TENM4: variants seen among roughly 807,000 people sequenced by gnomAD.
TENM4 encodes teneurin transmembrane protein 4, also known as teneurin-4.
Under a neutral mutation model 243.3 loss-of-function variants are expected in TENM4, and 82 were observed. The observed-to-expected ratio is 0.34, with a 90% CI of 0.28 to 0.40. The LOEUF is 0.40. Ranked by LOEUF, TENM4 falls within the 10% of genes least tolerant of loss-of-function variation. The probability of loss-of-function intolerance (pLI) is 1.00; values close to 1 mark genes in which losing one functional copy is unlikely to be tolerated. For synonymous variants in TENM4, 1,412 were observed against 1,456.3 expected (o/e 0.97, Z 0.69); for missense variants, 3,138 against 3,673.3 (o/e 0.85, Z 3.77).
intron 2 of TENM4, among the ~76,000 whole-genome samples, chr11:79,257,030 G>T (rs1855712543): frequency 6.6e-6 from 1 of 152,158 alleles, no homozygotes; most frequent in South Asian, 2.1e-4. Context: ...GAGTGGGCAT[G>T]TTGTGGATAT....
chr11:79,109,438 G>T (rs577655501), intron 4 of TENM4, among the ~76,000 whole-genome samples: 55 of 152,172 alleles, frequency 3.6e-4, no homozygotes, highest in African/African-American at 1.3e-3. Context: ...CTTGTGAGGT[G>T]CCCAGGGGAC....
chr11:78,899,371 T>C (rs1345873886), intron 7 of TENM4, among the ~76,000 whole-genome samples: 2 of 151,966 alleles, frequency 1.3e-5, no homozygotes, highest in African/African-American at 4.8e-5. Flanking sequence ...GGCAGGAGGA[T>C]TGCTTGTGCC....
intron 1 of TENM4, among the ~76,000 whole-genome samples, chr11:79,309,071 AC>A (rs1359830741): frequency 1.3e-5 from 2 of 152,022 alleles, no homozygotes; most frequent in African/African-American, 4.8e-5. Context: ...AAACTCTAGA[AC>A]TCATGCCCTT....
intron 1 of TENM4, among the ~76,000 whole-genome samples, chr11:79,357,077 G>A (rs552807753): frequency 1.3e-4 from 20 of 152,270 alleles, no homozygotes; most frequent in Non-Finnish European, 2.6e-4. Flanking sequence ...CCCAACAAAA[G>A]GCTAGGAGAC....
At chr11:79,143,577 A>G (rs1862336725) in intron 4 of TENM4, among the ~76,000 whole-genome samples, 1 of 152,054 alleles carries the variant, frequency 6.6e-6, no homozygotes, top group South Asian at 2.1e-4. Context: ...ACCTAATGTA[A>G]ATGACGAGCT....
At chr11:79,246,860 T>C (rs948060315) in intron 2 of TENM4, among the ~76,000 whole-genome samples, 1 of 126,256 alleles carries the variant, frequency 7.9e-6, no homozygotes, top group African/African-American at 3.5e-5. Context: ...CAAGAAAGCT[T>C]TGGGAATATT....
intron 3 of TENM4, among the ~76,000 whole-genome samples, chr11:79,177,988 C>T (rs1035615336): frequency 2.6e-4 from 40 of 152,080 alleles, no homozygotes; most frequent in African/African-American, 9.4e-4. Context: ...GCAGGAAGAA[C>T]AGGTAGGAGG....
At chr11:79,054,848 TG>T in intron 6 of TENM4, among the ~76,000 whole-genome samples, 1 of 152,220 alleles carries the variant, frequency 6.6e-6, no homozygotes, top group Non-Finnish European at 1.5e-5. Flanking sequence ...TGTAACTGAC[TG>T]GCTGGGTGCA....
intron 15 of TENM4, among the ~76,000 whole-genome samples, chr11:78,800,723 C>A (rs1435083389): frequency 7.3e-6 from 1 of 136,490 alleles, no homozygotes; most frequent in African/African-American, 2.8e-5. Flanking sequence ...CCTGACCTCA[C>A]AGAGTTCACA....
chr11:79,393,571 G>A (rs1488606016), intron 1 of TENM4, among the ~76,000 whole-genome samples: 2 of 152,212 alleles, frequency 1.3e-5, no homozygotes, highest in Non-Finnish European at 2.9e-5. Context: ...CCTCTGGTCA[G>A]CTCCTTTATT....
intron 2 of TENM4, among the ~76,000 whole-genome samples, chr11:79,291,323 C>T (rs372532197): frequency 8.5e-5 from 13 of 152,152 alleles, no homozygotes; most frequent in South Asian, 2.1e-4. Context: ...TGGAACAGCA[C>T]GGTTTTCCTC....
chr11:78,778,416 C>G (rs1037841909), intron 17 of TENM4, among the ~76,000 whole-genome samples, 186 bp downstream of exon 17: 1 of 152,150 alleles, frequency 6.6e-6, no homozygotes, highest in Admixed American at 6.5e-5. Context: ...GTATATCAAC[C>G]ACCTTGTGAC....
At chr11:78,860,742 G>T (rs1391067941) in intron 10 of TENM4, among the ~76,000 whole-genome samples, 1 of 152,200 alleles carries the variant, frequency 6.6e-6, no homozygotes, top group Non-Finnish European at 1.5e-5. Context: ...CACAGTGATT[G>T]CTTCTGATGC....
At chr11:78,834,696 G>A (rs1858062178) in intron 12 of TENM4, among the ~76,000 whole-genome samples, 2 of 151,996 alleles carry the variant, frequency 1.3e-5, no homozygotes, top group Admixed American at 1.3e-4. Flanking sequence ...TTGGTATGGT[G>A]ACTCTCCCTT....
At chr11:78,875,675 T>C (rs958550469) in intron 9 of TENM4, among the ~76,000 whole-genome samples, 6 of 152,216 alleles carry the variant, frequency 3.9e-5, no homozygotes, top group African/African-American at 4.8e-5. Flanking sequence ...GCTTTGGACA[T>C]ATCATTTAAC....
At position 78,954,850 on chromosome 11, in the gene TENM4, G is replaced by A. The variant is rs575004746; in HGVS notation, c.494-51327C>T. On this transcript the variant is annotated intron_variant, in intron 6 of 33. Coordinates refer to ENST00000278550, the MANE Select transcript of TENM4 (RefSeq NM_001098816.3). ...AGTGACACAGAAATGAATATGGTTT[G>A]GGAAATGCTGGTTTCATCCAGTTCT... Among the ~76,000 whole-genome samples the A allele has an allele frequency of 5.3e-5, 8 of 152,358 alleles. No individual in the cohort carries two copies. The South Asian group carries it at 1.7e-3, about 32-fold the overall frequency.
At chr11:78,731,311 G>A (rs937202911) in intron 21 of TENM4, among the ~76,000 whole-genome samples, 2 of 152,314 alleles carry the variant, frequency 1.3e-5, no homozygotes, top group Admixed American at 6.5e-5. Flanking sequence ...GGAGACAGGC[G>A]CTGAATCTCT....
chr11:78,746,124 A>G (rs1856046234), intron 19 of TENM4, among the ~76,000 whole-genome samples: 1 of 152,086 alleles, frequency 6.6e-6, no homozygotes, highest in Non-Finnish European at 1.5e-5. Flanking sequence ...GATTGACAGG[A>G]GGGAGGAGTT....
At chr11:79,030,684 T>C (rs1209135281) in intron 6 of TENM4, among the ~76,000 whole-genome samples, 3 of 152,142 alleles carry the variant, frequency 2.0e-5, no homozygotes, top group Non-Finnish European at 2.9e-5. Flanking sequence ...CCCCGTATCC[T>C]TCCACAATCC....
Sources: allele counts gnomAD v4.1 joint callset (sites outside exome capture counted in the v4.1 genomes callset), GRCh38; gene constraint gnomAD v4.1.1; transcripts MANE v1.5; gene names NCBI Gene and HGNC (gene_info 2026-07-23, HGNC 2026-07-21).